TRMT11: variants seen among roughly 807,000 people sequenced by gnomAD.
TRMT11 encodes the protein tRNA methyltransferase 11, also known as tRNA (guanine(10)-N(2))-methyltransferase TRMT11.
Under a neutral mutation model 62.8 loss-of-function variants are expected in TRMT11, and 53 were observed. That is an observed-to-expected ratio of 0.84 (90% CI 0.68 to 1.06). The LOEUF (loss-of-function observed/expected upper bound fraction) is 1.06. TRMT11 is among the 50% of genes least tolerant of loss of function. The pLI is 0.00. For missense variants in TRMT11, 556 were observed against 553.4 expected (o/e 1.00, Z -0.05); for synonymous variants, 188 against 190.3 (o/e 0.99, Z 0.10).
At position 126,008,275 on chromosome 6, in the gene TRMT11, A is replaced by G. The variant is rs944679975; in HGVS notation, c.680-117A>G. ...AGGCTTACTAAATATGTTACGACCA[A>G]TGTCATTCCAGGATACTCTGCCTGC... On this transcript the variant is annotated intron_variant, in intron 7 of 12. Transcript: ENST00000334379. The G allele has an allele frequency of 9.6e-5, 84 of 871,674 alleles. No homozygotes were observed. In the Admixed American group the frequency reaches 1.4e-3, roughly 15 times the overall value. 54.0% of individuals were successfully genotyped at this position (871,674 alleles called of 1,614,324 possible).
chr6:126,145,921 T>G (rs373080811), intron 21 of TRMT11, among the ~76,000 whole-genome samples: 1 of 152,232 alleles, frequency 6.6e-6, no homozygotes, highest in Non-Finnish European at 1.5e-5. Context: ...AATCTCCAGG[T>G]GGACCAAAGG....
chr6:126,268,115 C>T, the TRMT11 span, among the ~76,000 whole-genome samples: 1 of 152,162 alleles, frequency 6.6e-6, no homozygotes, highest in African/African-American at 2.4e-5. Flanking sequence ...AAGTTCTTCC[C>T]TGTGTTCCTA....
chr6:126,226,724 T>G, the TRMT11 span, among the ~76,000 whole-genome samples: 22 of 152,252 alleles, frequency 1.4e-4, no homozygotes, highest in African/African-American at 5.3e-4. Flanking sequence ...CAGCATACTT[T>G]TAAAAATTCT....
At chr6:126,047,733 G>C (rs1776100346) in intron 16 of TRMT11, among the ~76,000 whole-genome samples, 1 of 152,208 alleles carries the variant, frequency 6.6e-6, no homozygotes, top group Non-Finnish European at 1.5e-5. Flanking sequence ...CGCTCGCCCA[G>C]CTCCTGCATC....
downstream of TRMT11, among the ~76,000 whole-genome samples, chr6:126,043,888 T>C (rs1187634755): frequency 6.6e-6 from 1 of 152,208 alleles, no homozygotes; most frequent in Non-Finnish European, 1.5e-5. Flanking sequence ...TTTGCCCACT[T>C]TTTGATGGGG....
At chr6:126,084,039 G>T (rs1006265558) in intron 17 of TRMT11, among the ~76,000 whole-genome samples, 2 of 152,100 alleles carry the variant, frequency 1.3e-5, no homozygotes, top group African/African-American at 4.8e-5. Context: ...TGTGAATAAT[G>T]CTGCAATGAA....
At chr6:126,224,137 G>A in the TRMT11 span, among the ~76,000 whole-genome samples, 1 of 152,114 alleles carries the variant, frequency 6.6e-6, no homozygotes, top group Admixed American at 6.5e-5. Flanking sequence ...TGAATTCTAT[G>A]TCTGTCATTT....
chr6:126,166,669 C>A (rs1778270372), intron 21 of TRMT11, among the ~76,000 whole-genome samples: 1 of 152,220 alleles, frequency 6.6e-6, no homozygotes, highest in African/African-American at 2.4e-5. Flanking sequence ...CTCTTCAGAG[C>A]CAGCAGGCAG....
At chr6:126,103,734 T>C (rs551883694) in intron 17 of TRMT11, among the ~76,000 whole-genome samples, 42 of 152,372 alleles carry the variant, frequency 2.8e-4, no homozygotes, top group Non-Finnish European at 5.7e-4. Context: ...TATGCCTTTT[T>C]ACAAAATGGC....
intron 17 of TRMT11, among the ~76,000 whole-genome samples, chr6:126,082,684 A>G (rs1034400858): frequency 3.3e-5 from 5 of 152,038 alleles, no homozygotes; most frequent in African/African-American, 1.2e-4. Context: ...GAGCCTTGAA[A>G]CTTAATCAAA....
At chr6:126,105,177 A>G (rs1777450349) in intron 17 of TRMT11, among the ~76,000 whole-genome samples, 1 of 152,180 alleles carries the variant, frequency 6.6e-6, no homozygotes, top group African/African-American at 2.4e-5. Context: ...ATACAATTGA[A>G]ACATTCCATG....
rs748622094 is a variant in TRMT11, at chr6:125,991,245, CA to C, written c.73-2496del. Among the ~76,000 whole-genome samples the C allele has an allele frequency of 7.9e-3, 1,032 of 131,214 alleles. 7 individuals are homozygous for C. Among genetic ancestry groups the C allele is most frequent in the African/African-American group, 0.017 (597 of 35,894 alleles). The allele number at this position is 131,214 out of a possible 152,430, so 86.1% of individuals were successfully genotyped here. On this transcript the variant is annotated intron_variant, in intron 1 of 12. Coordinates refer to ENST00000334379, the MANE Select transcript of TRMT11 (RefSeq NM_001031712.3). The stretch of plus-strand genomic sequence containing the variant: ...CGGGTGACAGTGTGAGACTCCATCT[CA>C]AAAAAAAAAAAAAAATTTTTTTTGG...
chr6:126,142,631 T>C (rs1405075280), intron 21 of TRMT11, among the ~76,000 whole-genome samples: 1 of 152,142 alleles, frequency 6.6e-6, no homozygotes, highest in East Asian at 1.9e-4. Flanking sequence ...CACATCAACA[T>C]GAATGATAAT....
intron 7 of TRMT11, among the ~76,000 whole-genome samples, chr6:126,007,486 A>T (rs1793533783): frequency 1.3e-5 from 2 of 152,034 alleles, no homozygotes; most frequent in Non-Finnish European, 2.9e-5. Context: ...AGTATAGCTA[A>T]TTAAGACTTG....
At chr6:126,183,350 C>A (rs984473123) in intron 1 of TRMT11, among the ~76,000 whole-genome samples, 10 of 152,124 alleles carry the variant, frequency 6.6e-5, no homozygotes, top group African/African-American at 2.4e-4. Context: ...GCAAAAGTTT[C>A]TTCTGTAATA....
intron 17 of TRMT11, among the ~76,000 whole-genome samples, chr6:126,098,748 C>T (rs1045263715): frequency 6.6e-6 from 1 of 152,212 alleles, no homozygotes; most frequent in Non-Finnish European, 1.5e-5. Context: ...TTCCCTTACT[C>T]TAGTGATCAC....
chr6:126,104,175 T>C (rs1453453823), intron 17 of TRMT11, among the ~76,000 whole-genome samples: 1 of 152,184 alleles, frequency 6.6e-6, no homozygotes, highest in Non-Finnish European at 1.5e-5. Flanking sequence ...GCCCAGGAGA[T>C]AAAGCATCAA....
intron 7 of TRMT11, among the ~76,000 whole-genome samples, chr6:126,002,278 C>T (rs140223015): frequency 2.6e-5 from 4 of 152,258 alleles, no homozygotes; most frequent in Non-Finnish European, 2.9e-5. Flanking sequence ...CATGCATATA[C>T]GTATTTTAGA....
intron 11 of TRMT11, 102 bp from the exon 12 acceptor site, chr6:126,021,058 G>A (rs1795734786): frequency 1.5e-6 from 2 of 1,321,742 alleles, no homozygotes; most frequent in South Asian, 2.7e-5. Flanking sequence ...GGGAAAAAGA[G>A]CATGTAGTGG....
Sources: gnomAD v4.1 joint callset for allele counts (sites outside exome capture counted in the v4.1 genomes callset) on GRCh38, gnomAD v4.1.1 for gene constraint, MANE v1.5 for transcripts, NCBI Gene and HGNC (gene_info 2026-07-23, HGNC 2026-07-21) for gene names.